Variants in BATF2 observed in about 807,000 individuals in gnomAD.
The protein encoded by BATF2 is basic leucine zipper transcriptional factor ATF-like 2.
Under a neutral mutation model 7.3 loss-of-function variants are expected in BATF2, and 4 were observed. The ratio of observed to expected loss-of-function variants is 0.55; its 90% CI spans 0.27 to 1.26. BATF2 has a LOEUF of 1.26. Among genes scored for constraint, BATF2 ranks in the 50% most tolerant of loss-of-function variants. The probability of loss-of-function intolerance (pLI) is 0.11; values close to 1 mark genes in which losing one functional copy is unlikely to be tolerated. For synonymous variants in BATF2, 152 were observed against 153.9 expected (o/e 0.99, Z 0.09); for missense variants, 295 against 340.5 (o/e 0.87, Z 1.05).
chr11:64,994,386 A>C, intron 2 of BATF2, 62 bp downstream of exon 2: 1 of 1,473,918 alleles, frequency 6.8e-7, no homozygotes, highest in Non-Finnish European at 9.3e-7. Flanking sequence ...GGGATGGAGA[A>C]GAGGTGGCTG....
chr11:64,996,748 C>T, intron 1 of BATF2, 128 bp downstream of exon 1: 1 of 1,147,308 alleles, frequency 8.7e-7, no homozygotes, highest in Non-Finnish European at 1.2e-6. Context: ...ATGCAGAGCC[C>T]TCTGTCACAC....
At chr11:64,990,357 G>A (rs1006588781) in intron 2 of BATF2, 31 of 1,447,664 alleles carry the variant, frequency 2.1e-5, no homozygotes, top group South Asian at 2.1e-4. Flanking sequence ...CCCTTCCGCC[G>A]CCCTTCTCTG....
rs1372211643 is a variant in BATF2 at position 64,989,965 on chromosome 11, G to C, written c.142-153C>G. The C allele has an allele frequency of 6.8e-7, 1 of 1,461,440 alleles. No homozygotes were observed. Among genetic ancestry groups the C allele is most frequent in the Admixed American group, 2.0e-5 (1 of 50,600 alleles). The allele number at this position is 1,461,440 out of a possible 1,614,324, so 90.5% of individuals were successfully genotyped here. On this transcript the variant is annotated intron_variant, in intron 2 of 2. Coordinates refer to ENST00000301887, the MANE Select transcript of BATF2 (RefSeq NM_138456.4). This position sits in a 1 kb window ranked among gnomAD's most constrained non-coding sequence, Gnocchi z 4.3. ...GGGTCTCTTGGCCACTCTCTGGCCAGCCCTTCATAACCACCTACCAAGTCT... is the reference window on the plus strand; with the variant it reads ...GGGTCTCTTGGCCACTCTCTGGCCACCCCTTCATAACCACCTACCAAGTCT...
At position 64,996,924 on chromosome 11, in the gene BATF2, G is replaced by A. The variant is rs75135680; in HGVS notation, c.-10C>T. The stretch of plus-strand genomic sequence containing the variant: ...CCCCACAGAGGTGCATGGCTTAGGC[G>A]GGGGAGCAGAGTGGTCCCTCAGCAG... On this transcript the variant is annotated 5_prime_UTR_variant, in exon 1 of 3. Transcript: ENST00000301887. 8,153 of 1,591,718 alleles carry A rather than the reference G, an allele frequency of 5.1e-3. 352 individuals carry two copies. The African/African-American group carries it at 0.095, about 19-fold the overall frequency.
Position 64,989,578 on chromosome 11 carries a change from TCTGG to T in BATF2, c.372_375del (p.Phe124LeufsTer185). ...TGAGCTGGGTAACAGGAACCCGGGG[TCTGG>T]AACAGCTCCAGCTGCTCCCGGCAGC... On this transcript the variant is annotated frameshift_variant, in exon 3 of 3. Transcript: ENST00000301887. LOFTEE classifies it low-confidence loss of function (END_TRUNC). This position sits in a 1 kb window ranked among gnomAD's most constrained non-coding sequence, Gnocchi z 4.3. The T allele has an allele frequency of 1.3e-6, 2 of 1,593,396 alleles. No individual in the cohort carries two copies. Among genetic ancestry groups the T allele is most frequent in the South Asian group, 2.2e-5 (2 of 89,402 alleles).
At chr11:64,996,479 ACTC>A (rs1229222179) in intron 1 of BATF2, among the ~76,000 whole-genome samples, 1 of 149,860 alleles carries the variant, frequency 6.7e-6, no homozygotes, top group East Asian at 2.0e-4. Flanking sequence ...CTGATCTTGA[ACTC>A]CTAACCTCAT....
rs770152550 is a variant in BATF2, at chr11:64,989,829, G to A, written c.142-17C>T. 8 of 1,612,448 alleles carry A rather than the reference G, an allele frequency of 5.0e-6. No individual in the cohort carries two copies. The highest frequency in any genetic ancestry group is 6.8e-6 in the Non-Finnish European group (8 of 1,179,506). ...CTCGTGCTGCTGCAGAGAAGCAGAT[G>A]GGCGGGGAGGGGAACCTCAGCCAGT... On this transcript the variant is annotated splice_polypyrimidine_tract_variant and intron_variant, in intron 2 of 2. Transcript: ENST00000301887. This position sits in a 1 kb window ranked among gnomAD's most constrained non-coding sequence, Gnocchi z 4.3.
At chr11:64,991,683 G>A (rs535502164) in intron 2 of BATF2, among the ~76,000 whole-genome samples, 12 of 152,110 alleles carry the variant, frequency 7.9e-5, no homozygotes, top group African/African-American at 2.7e-4. Context: ...CCACTCTAGG[G>A]ACTTTTTGTT....
intron 1 of BATF2, among the ~76,000 whole-genome samples, chr11:64,995,996 C>A (rs569564252): frequency 6.6e-6 from 1 of 152,216 alleles, no homozygotes; most frequent in Middle Eastern, 3.4e-3. Flanking sequence ...GAGTCTCTGT[C>A]GCCCAGGCTG....
In BATF2 at chr11:64,989,222, G is replaced by A. The variant is rs865970438; in HGVS notation, c.732C>T (p.Leu244=). 1.4e-5 allele frequency: 22 copies of A among 1,613,984 alleles called. No homozygotes were observed. In the Admixed American group the frequency reaches 2.2e-4, roughly 16 times the overall value. ...RLQSREHKPA[L]SAATWQGLVV... is the part of the protein sequence containing the mutation. Reference sequence around the variant, plus strand: ...CCAGCCCTTGCCAAGTGGCTGCTGAGAGAGCAGGTTTGTGCTCCCTGCTCT... The same window carrying A: ...CCAGCCCTTGCCAAGTGGCTGCTGAAAGAGCAGGTTTGTGCTCCCTGCTCT... Residue 244 remains leucine, a synonymous_variant, in exon 3 of 3, where the codon CTC becomes CTT. Transcript: ENST00000301887. This position sits in a 1 kb window ranked among gnomAD's most constrained non-coding sequence, Gnocchi z 4.3.
chr11:64,994,586 C>T (rs1184939965), intron 1 of BATF2, 37 bp from the exon 2 acceptor site: 1 of 1,555,634 alleles, frequency 6.4e-7, no homozygotes, highest in South Asian at 1.2e-5. Context: ...GGGGGCCCAG[C>T]CAGGCCTTGT....
Position 64,989,306 on chromosome 11 carries a change from T to A in BATF2, c.648A>T (p.Arg216Ser). ...TGTCGGGAGAGGACCCCAGCTTCCC[T>A]CTGGTGGGATGCTCCAGCTCGAGGG... is the stretch of plus-strand genomic sequence containing the variant. ...PQPLELEHPT[R>S]GKLGSSPDNP... is the part of the protein sequence containing the mutation. The change falls in exon 3 of 3, where the codon AGA becomes AGT. Residue 216 changes from arginine to serine, a missense_variant. Arg to Ser is a moderately radical substitution (Grantham distance 110, BLOSUM62 -1). Coordinates refer to ENST00000301887, the MANE Select transcript of BATF2 (RefSeq NM_138456.4). The surrounding 1 kb of genome is among the most constrained non-coding windows in gnomAD (Gnocchi z 4.3). 1 of 1,583,842 alleles carries A rather than the reference T, an allele frequency of 6.3e-7. No homozygotes were observed. Among genetic ancestry groups the A allele is most frequent in the Non-Finnish European group, 8.6e-7 (1 of 1,164,316 alleles).
At position 64,989,337 on chromosome 11, in the gene BATF2, G is replaced by A. The variant is rs1297193620; in HGVS notation, c.617C>T (p.Pro206Leu). The A allele has an allele frequency of 1.3e-6, 2 of 1,574,010 alleles. No individual in the cohort carries two copies. The highest frequency in any genetic ancestry group is 2.4e-5 in the South Asian group (2 of 83,892). ...GGGATGCTCCAGCTCGAGGGGCTGT[G>A]GAGGGGCAGTTTGGGCCGTGAGGCT... ...QPSLTAQTAP[P>L]QPLELEHPTR... Residue 206 changes from proline (P) to leucine (L), a missense_variant, in exon 3 of 3, where the codon CCA (proline) becomes CTA (leucine). Pro to Leu is a moderately conservative substitution (Grantham distance 98, BLOSUM62 -3). Coordinates refer to ENST00000301887, the MANE Select transcript of BATF2 (RefSeq NM_138456.4). This position sits in a 1 kb window ranked among gnomAD's most constrained non-coding sequence, Gnocchi z 4.3.
Position 64,988,053 on chromosome 11 carries a change from C to A in BATF2, c.*1076G>T, listed in dbSNP as rs1403209589. 3 of 152,120 alleles carry A rather than the reference C, an allele frequency of 2.0e-5. No homozygotes were observed. The highest frequency in any genetic ancestry group is 2.1e-4 in the South Asian group (1 of 4,832). 9.4% of individuals were successfully genotyped at this position (152,120 alleles called of 1,614,324 possible). A position where few individuals can be genotyped will look rare whatever the true frequency, so the allele number is the denominator to read the frequency against. On this transcript the variant is annotated 3_prime_UTR_variant, in exon 3 of 3. Transcript: ENST00000301887. ...GTGTTTCATTTACATGTGTGTGAAA[C>A]CTGGGTGAAGAGCCAGGGTTTCTCT...
At chr11:64,994,701 T>A in intron 1 of BATF2, 152 bp from the exon 2 acceptor site, 1 of 691,362 alleles carries the variant, frequency 1.4e-6, no homozygotes, top group Admixed American at 2.4e-5. Context: ...CCACACCCCC[T>A]ATAGCAGGCA....
rs776116800 is a variant in BATF2 at position 64,989,536 on chromosome 11, G to A, written c.418C>T (p.Pro140Ser). Reference sequence around the variant, plus strand: ...AGGCTGGGAGAATCATGAGGCTGTGGACCTGGAGAGAGCGGCTGAGCTGGG... The same window carrying A: ...AGGCTGGGAGAATCATGAGGCTGTGAACCTGGAGAGAGCGGCTGAGCTGGG... ...CYPAQPLSPG[P>S]QPHDSPSLLQ... Residue 140 changes from proline to serine, a missense_variant, in exon 3 of 3, where the codon CCA becomes TCA. Coordinates refer to ENST00000301887, the MANE Select transcript of BATF2 (RefSeq NM_138456.4). This position sits in a 1 kb window ranked among gnomAD's most constrained non-coding sequence, Gnocchi z 4.3. The A allele has an allele frequency of 1.3e-6, 2 of 1,592,292 alleles. No individual in the cohort carries two copies. The highest frequency in any genetic ancestry group is 2.3e-5 in the East Asian group (1 of 43,790).
intron 2 of BATF2, among the ~76,000 whole-genome samples, chr11:64,992,816 C>T (rs905468712): frequency 4.7e-5 from 7 of 150,034 alleles, no homozygotes; most frequent in African/African-American, 1.7e-4. Flanking sequence ...GAGCCAGGAT[C>T]GTGGACTGCA....
At chr11:64,992,896 C>T (rs868531245) in intron 2 of BATF2, among the ~76,000 whole-genome samples, 3 of 144,686 alleles carry the variant, frequency 2.1e-5, no homozygotes, top group African/African-American at 2.6e-5. Flanking sequence ...TGGTGGCTCA[C>T]GCCTGTAATC....
intron 2 of BATF2, among the ~76,000 whole-genome samples, chr11:64,993,537 C>G (rs913924025): frequency 2.0e-5 from 3 of 152,180 alleles, no homozygotes; most frequent in Admixed American, 1.3e-4. Context: ...GACTTCCCAG[C>G]CTCCAAAACT....
Sources: allele counts gnomAD v4.1 joint callset (sites outside exome capture counted in the v4.1 genomes callset), GRCh38; gene constraint gnomAD v4.1.1; non-coding constraint Gnocchi (gnomAD v3.1); transcripts MANE v1.5; gene names NCBI Gene and HGNC (gene_info 2026-07-23, HGNC 2026-07-21).